VEPH1: variants seen among roughly 807,000 people sequenced by gnomAD.
The protein encoded by VEPH1 is ventricular zone-expressed PH domain-containing protein homolog 1.
A neutral mutation model predicts 85.2 loss-of-function variants in VEPH1; 80 were observed. The observed-to-expected ratio is 0.94, with a 90% CI of 0.78 to 1.13. The LOEUF is 1.13. Among genes scored for constraint, VEPH1 ranks in the 50% most tolerant of loss-of-function variants. The probability of loss-of-function intolerance (pLI) is 0.00; values close to 1 mark genes in which losing one functional copy is unlikely to be tolerated. For missense variants in VEPH1, 955 were observed against 980.5 expected, an observed-to-expected ratio of 0.97 and a Z score of 0.35; for synonymous variants, 297 against 348.0, an observed-to-expected ratio of 0.85 and a Z score of 1.63.
At chr3:157,342,068 A>C (rs540015413) in intron 9 of VEPH1, among the ~76,000 whole-genome samples, 6 of 152,236 alleles carry the variant, frequency 3.9e-5, no homozygotes, top group Admixed American at 1.3e-4. Context: ...CCACTGCAAA[A>C]ACATGCCAAA....
In VEPH1 at chr3:157,376,307, T is replaced by C. The variant is rs995575031; in HGVS notation, c.1127+4849A>G. Among the ~76,000 whole-genome samples, 5 of 152,170 alleles carry C rather than the reference T, an allele frequency of 3.3e-5. No individual in the cohort carries two copies. In the East Asian group the frequency reaches 9.6e-4, roughly 29 times the overall value. The stretch of plus-strand genomic sequence containing the variant: ...AGCAGCCTCCCTGGCGCCACATTCA[T>C]TTGGCAAAGGCATCTTCTAGGCAAT... On this transcript the variant is annotated intron_variant, in intron 7 of 13. Coordinates refer to ENST00000362010, the MANE Select transcript of VEPH1 (RefSeq NM_001167912.2).
chr3:157,489,437 A>G (rs531365573), intron 2 of VEPH1: 6 of 228,202 alleles, frequency 2.6e-5, no homozygotes, highest in African/African-American at 1.4e-4. Flanking sequence ...GGACCTTTGT[A>G]CTTAATAGTT....
At chr3:157,322,661 G>A (rs1422253188) in intron 9 of VEPH1, among the ~76,000 whole-genome samples, 2 of 152,148 alleles carry the variant, frequency 1.3e-5, no homozygotes, top group Non-Finnish European at 2.9e-5. Context: ...GGGCTATGAG[G>A]GCTTGCACTT....
chr3:157,285,189 T>C (rs1461358342), intron 12 of VEPH1: 1 of 152,212 alleles, frequency 6.6e-6, no homozygotes, highest in Admixed American at 6.5e-5. Flanking sequence ...ATGGAGGCAG[T>C]CAATTCCCCA....
rs202131330 is a variant in VEPH1, at chr3:157,261,190, C to T, written c.2446G>A (p.Val816Met). The T allele has an allele frequency of 6.2e-6, 10 of 1,613,794 alleles. No individual in the cohort carries two copies. The East Asian group carries it at 1.1e-4, about 18-fold the overall frequency. ...NAEEWLQCIN[V>M]AVAQAKERES... ...CTTTCTTTGGCTTGGGCAACTGCCACGTTGATGCACTGGAGCCATTCTTCT... is the reference window on the plus strand; with the variant it reads ...CTTTCTTTGGCTTGGGCAACTGCCATGTTGATGCACTGGAGCCATTCTTCT... The change falls in exon 14 of 14, where the codon GTG becomes ATG. Residue 816 changes from valine to methionine, a missense_variant. Val to Met is a conservative substitution (Grantham distance 21, BLOSUM62 1). Transcript: ENST00000362010.
chr3:157,423,756 T>G (rs1732530427), intron 5 of VEPH1, among the ~76,000 whole-genome samples: 1 of 152,236 alleles, frequency 6.6e-6, no homozygotes, highest in Admixed American at 6.5e-5. Context: ...TCAGATACTA[T>G]GGAAAAGTCT....
intron 9 of VEPH1, among the ~76,000 whole-genome samples, chr3:157,362,124 G>C (rs1024491769): frequency 6.6e-6 from 1 of 151,840 alleles, no homozygotes; most frequent in Non-Finnish European, 1.5e-5. Flanking sequence ...TCCACCTCTC[G>C]GGCTCAAGCC....
In VEPH1 at chr3:157,363,547, A is replaced by G. The variant is rs1457705675; in HGVS notation, c.1552T>C (p.Ser518Pro). 3 of 1,613,942 alleles carry G rather than the reference A, an allele frequency of 1.9e-6. No homozygotes were observed. Among genetic ancestry groups the G allele is most frequent in the Non-Finnish European group, 2.5e-6 (3 of 1,180,002 alleles). Residue 518 changes from serine (S) to proline (P), a missense_variant, in exon 9 of 14, where the codon TCA becomes CCA. Transcript: ENST00000362010. ...TTAACAGTTTCTGACAAATTCTCTG[A>G]GTCTATATGTATAATATTTGGGTAT... ...VSYPNIIHID[S>P]ENLSETVKEN...
At chr3:157,314,912 A>T (rs562514940) in intron 10 of VEPH1, among the ~76,000 whole-genome samples, 41 of 152,244 alleles carry the variant, frequency 2.7e-4, no homozygotes, top group African/African-American at 8.7e-4. Context: ...CTAATCAATG[A>T]TGTGTCTAAT....
chr3:157,481,267 G>A (rs1034137411), intron 2 of VEPH1, among the ~76,000 whole-genome samples: 4 of 151,800 alleles, frequency 2.6e-5, no homozygotes, highest in African/African-American at 9.7e-5. Flanking sequence ...TTTGTTGATA[G>A]TTTCTTTTGC....
intron 11 of VEPH1, among the ~76,000 whole-genome samples, chr3:157,312,284 C>T (rs1271266578): frequency 1.3e-5 from 2 of 152,048 alleles, no homozygotes; most frequent in African/African-American, 4.8e-5. Context: ...TCAGAATATT[C>T]GAGTTTGGGA....
At chr3:157,449,165 C>A (rs981027910) in intron 4 of VEPH1, among the ~76,000 whole-genome samples, 49 of 152,174 alleles carry the variant, frequency 3.2e-4, no homozygotes, top group African/African-American at 1.1e-3. Flanking sequence ...CACCAAGTGA[C>A]ATCCTTATCT....
At chr3:157,386,839 G>A (rs1045493662) in intron 6 of VEPH1, among the ~76,000 whole-genome samples, 14 of 152,194 alleles carry the variant, frequency 9.2e-5, no homozygotes, top group Non-Finnish European at 1.8e-4. Context: ...AACCACCATT[G>A]CTTTGTTCTA....
intron 6 of VEPH1, among the ~76,000 whole-genome samples, chr3:157,404,445 G>T (rs1731007804): frequency 6.6e-6 from 1 of 152,162 alleles, no homozygotes; most frequent in South Asian, 2.1e-4. Flanking sequence ...GAAAGTCCTA[G>T]AAATGTCTTT....
intron 9 of VEPH1, among the ~76,000 whole-genome samples, chr3:157,359,518 C>T (rs1056499216): frequency 3.3e-5 from 5 of 152,182 alleles, no homozygotes; most frequent in Admixed American, 2.6e-4. Context: ...ACACTGCCGA[C>T]CCAAACTTAA....
chr3:157,265,228 T>C (rs1169330046), intron 13 of VEPH1, among the ~76,000 whole-genome samples: 3 of 152,184 alleles, frequency 2.0e-5, no homozygotes, highest in African/African-American at 4.8e-5. Flanking sequence ...TAAATTTGTG[T>C]ACGTGGTCCA....
intron 6 of VEPH1, among the ~76,000 whole-genome samples, chr3:157,403,780 T>C (rs898947063): frequency 3.9e-5 from 6 of 152,160 alleles, no homozygotes; most frequent in African/African-American, 1.2e-4. Context: ...AAATTGGGTA[T>C]AGCTGTGTGT....
Position 157,313,721 on chromosome 3 carries a change from T to C in VEPH1, c.1910A>G (p.His637Arg). ...CAGAGCTCTGAGGAATTGCACAGAATGACTCTGAATGGACAGGGGTTCAGG... is the reference window on the plus strand; with the variant it reads ...CAGAGCTCTGAGGAATTGCACAGAACGACTCTGAATGGACAGGGGTTCAGG... ...LFPEPLSIQS[H>R]SVQFLRALWE... The change falls in exon 11 of 14, where the codon CAT (histidine) becomes CGT (arginine). Residue 637 changes from histidine to arginine, a missense_variant. His to Arg is a conservative substitution (Grantham distance 29). Transcript: ENST00000362010. 1.2e-6 allele frequency: 2 copies of C among 1,614,142 alleles called. No individual in the cohort carries two copies. The highest frequency in any genetic ancestry group is 2.2e-5 in the South Asian group (2 of 91,080).
intron 6 of VEPH1, among the ~76,000 whole-genome samples, chr3:157,395,525 G>T (rs1730291586): frequency 6.6e-6 from 1 of 152,152 alleles, no homozygotes; most frequent in Non-Finnish European, 1.5e-5. Context: ...GACAGGAGTG[G>T]TTGGGGAAAG....
Sources: allele counts gnomAD v4.1 joint callset (sites outside exome capture counted in the v4.1 genomes callset), GRCh38; gene constraint gnomAD v4.1.1; transcripts MANE v1.5; gene names NCBI Gene and HGNC (gene_info 2026-07-23, HGNC 2026-07-21).